The following THSD4 variants were observed in gnomAD, a reference collection of about 807,000 sequenced individuals.
THSD4 encodes the protein thrombospondin type-1 domain-containing protein 4.
Under a neutral mutation model 119.0 loss-of-function variants are expected in THSD4, and 69 were observed. The ratio of observed to expected loss-of-function variants is 0.58; its 90% confidence interval spans 0.48 to 0.71. THSD4 has a LOEUF of 0.71. Ranked by LOEUF, THSD4 falls within the 30% of genes least tolerant of loss-of-function variation. The probability of loss-of-function intolerance (pLI) is 0.00; values close to 1 mark genes in which losing one functional copy is unlikely to be tolerated. For missense variants in THSD4, 1,393 were observed against 1,391.1 expected (o/e 1.00, Z -0.02); for synonymous variants, 524 against 540.4 (o/e 0.97, Z 0.42).
intron 7 of THSD4, among the ~76,000 whole-genome samples, chr15:71,444,981 C>A (rs1346824846): frequency 1.3e-5 from 2 of 152,214 alleles, no homozygotes; most frequent in African/African-American, 2.4e-5. Flanking sequence ...GTTCCATGAT[C>A]TAGCCCCTGC....
In THSD4 at chr15:71,416,817, G is replaced by A. The variant is rs2046765651; in HGVS notation, c.1152+4994G>A. ...TCTATTGCCCAGGCTGGAGTGCAGT[G>A]GTGCAATCTTGGCTCACTGCAAGCT... On this transcript the variant is annotated intron_variant, in intron 7 of 17. Transcript: ENST00000261862. Among the ~76,000 whole-genome samples, 17 of 105,258 alleles carry A rather than the reference G, an allele frequency of 1.6e-4. 8 individuals are homozygous for A. In the South Asian group the frequency reaches 4.5e-3, roughly 28 times the overall value. 69.1% of individuals were successfully genotyped at this position (105,258 alleles called of 152,430 possible). A position where few individuals can be genotyped will look rare whatever the true frequency, so the allele number is the denominator to read the frequency against.
intron 7 of THSD4, among the ~76,000 whole-genome samples, chr15:71,556,925 G>A (rs2049027921): frequency 6.6e-6 from 1 of 151,732 alleles, no homozygotes; most frequent in South Asian, 2.1e-4. Flanking sequence ...CCAAATTCTT[G>A]TATATCTAAT....
At chr15:71,691,538 T>G (rs56395963) in intron 8 of THSD4, among the ~76,000 whole-genome samples, 51,856 of 152,030 alleles carry the variant, frequency 0.34, 9,410 homozygotes, top group East Asian at 0.54. Context: ...CTTTCTGGCT[T>G]CACAGCCTTG....
intron 7 of THSD4, among the ~76,000 whole-genome samples, chr15:71,480,418 TA>T (rs1432332530): frequency 6.6e-6 from 1 of 152,266 alleles, no homozygotes; most frequent in Non-Finnish European, 1.5e-5. Flanking sequence ...GACGGTTTAA[TA>T]CTATGTGATG....
At chr15:71,668,022 T>A (rs951803374) in intron 8 of THSD4, among the ~76,000 whole-genome samples, 1 of 152,226 alleles carries the variant, frequency 6.6e-6, no homozygotes, top group Non-Finnish European at 1.5e-5. Flanking sequence ...TATTAATACA[T>A]ATAAGCCTAT....
At chr15:71,287,170 C>T (rs111227803) in intron 6 of THSD4, among the ~76,000 whole-genome samples, 2,361 of 152,114 alleles carry the variant, frequency 0.016, 16 homozygotes, top group Middle Eastern at 0.024. Context: ...AAGATATGCC[C>T]GACAAAATGA....
intron 1 of THSD4, among the ~76,000 whole-genome samples, chr15:71,122,420 G>A (rs536610376): frequency 2.6e-5 from 4 of 152,286 alleles, no homozygotes; most frequent in African/African-American, 9.6e-5. Context: ...AATACTGGCG[G>A]TGGGGCCGGA....
chr15:71,473,549 T>C (rs1416514367), intron 7 of THSD4, among the ~76,000 whole-genome samples: 1 of 152,190 alleles, frequency 6.6e-6, no homozygotes. Context: ...GGTAACAGCC[T>C]GAACACTAAT....
chr15:71,368,802 T>C (rs539530210), intron 6 of THSD4, among the ~76,000 whole-genome samples: 1 of 152,226 alleles, frequency 6.6e-6, no homozygotes, highest in Non-Finnish European at 1.5e-5. Context: ...TTTAAAGTAG[T>C]TTTTTCCAAT....
intron 7 of THSD4, among the ~76,000 whole-genome samples, chr15:71,426,194 A>G (rs551927741): frequency 9.2e-5 from 14 of 152,252 alleles, no homozygotes; most frequent in African/African-American, 2.6e-4. Flanking sequence ...CTCTTCCCCC[A>G]GCTGGGACAC....
chr15:71,735,842 TTC>T (rs2053082923), intron 10 of THSD4, among the ~76,000 whole-genome samples: 1 of 120,776 alleles, frequency 8.3e-6, no homozygotes. Flanking sequence ...CTCTGTCTCT[TTC>T]GCTCTCTGTC....
intron 6 of THSD4, among the ~76,000 whole-genome samples, chr15:71,283,094 C>T (rs755956361): frequency 1.5e-4 from 23 of 151,906 alleles, no homozygotes; most frequent in Non-Finnish European, 2.6e-4. Context: ...CTCAGCCTCC[C>T]GAGTAGCTGG....
At chr15:71,193,032 C>T (rs1273077452) in intron 3 of THSD4, among the ~76,000 whole-genome samples, 2 of 152,202 alleles carry the variant, frequency 1.3e-5, no homozygotes, top group Admixed American at 1.3e-4. Context: ...CCTCCCCAGC[C>T]AAACCTGGCT....
intron 7 of THSD4, among the ~76,000 whole-genome samples, chr15:71,459,346 G>GTCTC (rs57397281): frequency 1.7e-5 from 2 of 120,980 alleles, no homozygotes; most frequent in Non-Finnish European, 3.6e-5. Flanking sequence ...CTGTCTCTCT[G>GTCTC]TCTCTCTCTC....
intron 6 of THSD4, among the ~76,000 whole-genome samples, chr15:71,290,016 C>A (rs2044769258): frequency 6.6e-6 from 1 of 152,086 alleles, no homozygotes; most frequent in Non-Finnish European, 1.5e-5. Context: ...CCTCACCTAC[C>A]CTTCCCCAGA....
At chr15:71,473,922 A>G (rs2047620690) in intron 7 of THSD4, among the ~76,000 whole-genome samples, 1 of 152,196 alleles carries the variant, frequency 6.6e-6, no homozygotes, top group African/African-American at 2.4e-5. Context: ...ATTGGAATTT[A>G]GGGCAGGGCC....
At chr15:71,186,516 G>T (rs2141432319) in intron 3 of THSD4, 1 of 152,344 alleles carries the variant, frequency 6.6e-6, no homozygotes, top group East Asian at 1.9e-4. Context: ...GGTTGTTCCA[G>T]TGACTCTGAG....
intron 7 of THSD4, among the ~76,000 whole-genome samples, chr15:71,518,054 AG>A (rs2048385566): frequency 6.6e-6 from 1 of 152,234 alleles, no homozygotes; most frequent in Admixed American, 6.5e-5. Context: ...CCAAAAGGAA[AG>A]GAAAGGCCAA....
At chr15:71,605,355 G>A (rs1295521871) in intron 7 of THSD4, among the ~76,000 whole-genome samples, 1 of 152,008 alleles carries the variant, frequency 6.6e-6, no homozygotes, top group Non-Finnish European at 1.5e-5. Context: ...TATAGGTCAT[G>A]TAAAGACTTT....
Sources: allele counts gnomAD v4.1 joint callset (sites outside exome capture counted in the v4.1 genomes callset), GRCh38; gene constraint gnomAD v4.1.1; transcripts MANE v1.5; gene names NCBI Gene and HGNC (gene_info 2026-07-23, HGNC 2026-07-21).